GPC5: variants seen among roughly 807,000 people sequenced by gnomAD.
The protein encoded by GPC5 is glypican 5.
In GPC5, 47 loss-of-function variants were observed where a neutral mutation model predicts 53.9. That is an observed-to-expected ratio of 0.87 (90% CI 0.69 to 1.11). GPC5 has a LOEUF of 1.11. GPC5 is among the 50% of genes most tolerant of loss of function. The pLI is 0.00. For missense variants in GPC5, 748 were observed against 713.1 expected (o/e 1.05, Z -0.56); for synonymous variants, 286 against 263.3 (o/e 1.09, Z -0.84).
chr13:92,590,439 C>T (rs1365523303), intron 7 of GPC5, among the ~76,000 whole-genome samples: 1 of 152,204 alleles, frequency 6.6e-6, no homozygotes, highest in Non-Finnish European at 1.5e-5. Context: ...GCACAGGAGA[C>T]CTTTCCCAAC....
intron 6 of GPC5, among the ~76,000 whole-genome samples, chr13:92,067,524 T>C (rs1452481661): frequency 6.6e-6 from 1 of 152,054 alleles, no homozygotes; most frequent in Admixed American, 6.5e-5. Flanking sequence ...CACTTTAACA[T>C]GACAGCTGGA....
intron 7 of GPC5, among the ~76,000 whole-genome samples, chr13:92,375,753 T>G (rs767016381): frequency 6.6e-6 from 1 of 152,250 alleles, no homozygotes; most frequent in Non-Finnish European, 1.5e-5. Flanking sequence ...TTTTGTCTTC[T>G]TTCTGCTCTT....
At chr13:92,314,298 A>G (rs371211564) in intron 7 of GPC5, among the ~76,000 whole-genome samples, 3 of 152,126 alleles carry the variant, frequency 2.0e-5, no homozygotes, top group Non-Finnish European at 4.4e-5. Context: ...AATATCTTCA[A>G]GTTATGTCCC....
At chr13:92,015,711 C>A (rs2040700761) in intron 6 of GPC5, among the ~76,000 whole-genome samples, 1 of 152,122 alleles carries the variant, frequency 6.6e-6, no homozygotes, top group Admixed American at 6.6e-5. Context: ...GACAGATTTT[C>A]AGGTGCTTAA....
chr13:92,214,528 G>C (rs994835498), intron 7 of GPC5, among the ~76,000 whole-genome samples: 2 of 152,082 alleles, frequency 1.3e-5, no homozygotes, highest in Non-Finnish European at 2.9e-5. Flanking sequence ...CTAAGACTCT[G>C]CTTTAGTCCA....
chr13:92,154,392 A>G (rs1367291421), intron 7 of GPC5, among the ~76,000 whole-genome samples: 2 of 152,136 alleles, frequency 1.3e-5, no homozygotes, highest in African/African-American at 4.8e-5. Context: ...TACTATCAAT[A>G]CAAAAGTCAA....
At chr13:91,703,087 A>G (rs1237272812) in intron 3 of GPC5, among the ~76,000 whole-genome samples, 1 of 152,060 alleles carries the variant, frequency 6.6e-6, no homozygotes, top group Non-Finnish European at 1.5e-5. Context: ...TGGAGTATTT[A>G]GGGTTTTCTG....
intron 2 of GPC5, among the ~76,000 whole-genome samples, chr13:91,594,784 T>A (rs2032929085): frequency 6.6e-6 from 1 of 151,948 alleles, no homozygotes; most frequent in Non-Finnish European, 1.5e-5. Context: ...GCTTGAGCAA[T>A]CCTCTCACCT....
At chr13:92,774,235 T>C (rs1374233662) in intron 7 of GPC5, among the ~76,000 whole-genome samples, 1 of 152,232 alleles carries the variant, frequency 6.6e-6, no homozygotes, top group Non-Finnish European at 1.5e-5. Context: ...ATATCTTCTC[T>C]ACTTAACCTT....
At chr13:92,015,597 A>G (rs1034030032) in intron 6 of GPC5, among the ~76,000 whole-genome samples, 1 of 152,134 alleles carries the variant, frequency 6.6e-6, no homozygotes, top group Non-Finnish European at 1.5e-5. Context: ...CAAAGAGATC[A>G]AGTTATCTCC....
At chr13:91,402,360 G>A (rs1272128381) in intron 1 of GPC5, among the ~76,000 whole-genome samples, 3 of 152,176 alleles carry the variant, frequency 2.0e-5, no homozygotes, top group Admixed American at 2.0e-4. Flanking sequence ...AAAAGACACT[G>A]TAAGCAGTGC....
chr13:91,680,582 T>C (rs2035485357), intron 2 of GPC5, among the ~76,000 whole-genome samples: 1 of 152,214 alleles, frequency 6.6e-6, no homozygotes, highest in Non-Finnish European at 1.5e-5. Flanking sequence ...AATAAAAGAT[T>C]GGCCAGTGGT....
Position 92,866,281 on chromosome 13 carries a change from G to A in GPC5, c.1562-1G>A. 2 of 1,608,728 alleles carry A rather than the reference G, an allele frequency of 1.2e-6. No individual in the cohort carries two copies. Among genetic ancestry groups the A allele is most frequent in the South Asian group, 2.2e-5 (2 of 90,540 alleles). ...CTGTGCTTTCTTATTTGCCTCTACA[G>A]GGATGCCAGATGATATGAACTTCAG... On this transcript the variant is annotated splice_acceptor_variant, in intron 7 of 7. Transcript: ENST00000377067. LOFTEE classifies it high-confidence loss of function.
intron 6 of GPC5, among the ~76,000 whole-genome samples, chr13:92,057,491 C>A (rs1255917739): frequency 3.9e-5 from 6 of 152,160 alleles, no homozygotes. Flanking sequence ...AGTAGATAAG[C>A]AAATACTCTT....
At chr13:91,726,549 C>T (rs902038460) in intron 3 of GPC5, among the ~76,000 whole-genome samples, 1 of 152,176 alleles carries the variant, frequency 6.6e-6, no homozygotes, top group Non-Finnish European at 1.5e-5. Flanking sequence ...CAGTCAGGAA[C>T]CCATCTTTCC....
intron 7 of GPC5, among the ~76,000 whole-genome samples, chr13:92,356,944 G>C (rs1415655057): frequency 6.6e-6 from 1 of 152,148 alleles, no homozygotes; most frequent in Non-Finnish European, 1.5e-5. Context: ...TTTAGTGACA[G>C]TTTACAAGTG....
intron 2 of GPC5, among the ~76,000 whole-genome samples, chr13:91,541,398 C>A (rs1485333476): frequency 6.6e-6 from 1 of 152,142 alleles, no homozygotes; most frequent in Non-Finnish European, 1.5e-5. Context: ...TCTGCACGGA[C>A]TTGCAGTGCC....
intron 6 of GPC5, among the ~76,000 whole-genome samples, chr13:91,954,766 A>T (rs1159747900): frequency 6.6e-6 from 1 of 152,102 alleles, no homozygotes; most frequent in Non-Finnish European, 1.5e-5. Context: ...GATATCTAAA[A>T]AACCCAAAAA....
At position 92,052,559 on chromosome 13, in the gene GPC5, G is replaced by A. The variant is rs528247002; in HGVS notation, c.1402-92271G>A. ...GGTCCATTTTACAGAGTGTTGATTG[G>A]TTCATTTACAATCCTTTAGCTAGGC... On this transcript the variant is annotated intron_variant, in intron 6 of 7. Coordinates refer to ENST00000377067, the MANE Select transcript of GPC5 (RefSeq NM_004466.6). 2.0e-5 allele frequency among the ~76,000 whole-genome samples: 3 copies of A among 152,160 alleles called. No individual in the cohort carries two copies. In the East Asian group the frequency reaches 5.8e-4, roughly 29 times the overall value.
Sources: allele counts gnomAD v4.1 joint callset (sites outside exome capture counted in the v4.1 genomes callset), GRCh38; gene constraint gnomAD v4.1.1; transcripts MANE v1.5; gene names NCBI Gene and HGNC (gene_info 2026-07-23, HGNC 2026-07-21).